Variants in SLC1A6 observed in about 807,000 individuals in gnomAD.
SLC1A6 encodes the protein solute carrier family 1 member 6.
SLC1A6 carries 15 observed loss-of-function variants against 42.1 expected under a neutral mutation model. That is an observed-to-expected ratio of 0.36 (90% CI 0.24 to 0.55). SLC1A6 has a LOEUF of 0.55. SLC1A6 is among the 20% of genes least tolerant of loss of function. SLC1A6 has a pLI of 0.88. For missense variants in SLC1A6, 542 were observed against 772.5 expected (o/e 0.70, Z 3.54); for synonymous variants, 317 against 319.7 (o/e 0.99, Z 0.09).
At chr19:14,975,870 G>GAC (rs2045702638) in intron 1 of SLC1A6, among the ~76,000 whole-genome samples, 3 of 50,866 alleles carry the variant, frequency 5.9e-5, no homozygotes, top group Non-Finnish European at 7.8e-5. Flanking sequence ...GGAAGGGAAG[G>GAC]AAAGGGAAGG....
chr19:15,003,167 G>A (rs1020435772), intron 1 of SLC1A6, among the ~76,000 whole-genome samples: 6 of 151,986 alleles, frequency 3.9e-5, no homozygotes, highest in African/African-American at 1.5e-4. Flanking sequence ...TTGTACAGAT[G>A]GGGTTTCACC....
At chr19:14,970,172 T>C (rs1409875809) in intron 3 of SLC1A6, among the ~76,000 whole-genome samples, 1 of 152,114 alleles carries the variant, frequency 6.6e-6, no homozygotes, top group African/African-American at 2.4e-5. Flanking sequence ...TGGGTTCAAG[T>C]GATCCTCCTG....
chr19:15,002,938 A>G (rs7249418), intron 1 of SLC1A6, among the ~76,000 whole-genome samples: 48,638 of 151,272 alleles, frequency 0.32, 7,966 homozygotes, highest in Non-Finnish European at 0.36. Context: ...TGTGTTTTTC[A>G]TTTTTGTCTT....
At chr19:14,975,521 G>A (rs1320670207) in intron 1 of SLC1A6, among the ~76,000 whole-genome samples, 4 of 152,056 alleles carry the variant, frequency 2.6e-5, no homozygotes, top group South Asian at 2.1e-4. Context: ...TTGGAAGGCC[G>A]AGGTGGGCAG....
intron 1 of SLC1A6, among the ~76,000 whole-genome samples, chr19:14,991,024 ATC>A (rs2045817497): frequency 6.6e-6 from 1 of 152,236 alleles, no homozygotes; most frequent in Non-Finnish European, 1.5e-5. Context: ...ACACAATTTT[ATC>A]TGTCATTTAA....
intron 1 of SLC1A6, among the ~76,000 whole-genome samples, chr19:15,009,064 T>C (rs1417381841): frequency 7.9e-6 from 1 of 126,370 alleles, no homozygotes; most frequent in Non-Finnish European, 1.6e-5. Context: ...AGATATGCTA[T>C]CTAGATAGCA....
At chr19:15,003,054 C>T (rs1417698705) in intron 1 of SLC1A6, among the ~76,000 whole-genome samples, 1 of 152,148 alleles carries the variant, frequency 6.6e-6, no homozygotes, top group African/African-American at 2.4e-5. Context: ...TCTCAGCTCA[C>T]TGCAACCTCC....
intron 3 of SLC1A6, among the ~76,000 whole-genome samples, chr19:14,970,261 G>GA (rs1326477337): frequency 6.6e-6 from 1 of 151,926 alleles, no homozygotes; most frequent in East Asian, 1.9e-4. Context: ...TATAGAGATG[G>GA]AGTCTCACTG....
At chr19:14,977,882 A>G (rs1437019457) in intron 1 of SLC1A6, 1 of 152,212 alleles carries the variant, frequency 6.6e-6, no homozygotes, top group African/African-American at 2.4e-5. Context: ...TTAAGAATAG[A>G]GTAAAATGCT....
intron 1 of SLC1A6, among the ~76,000 whole-genome samples, chr19:14,990,139 A>G (rs2045812484): frequency 6.6e-6 from 1 of 151,768 alleles, no homozygotes; most frequent in Non-Finnish European, 1.5e-5. Flanking sequence ...GCTCATTGCA[A>G]TGTTATTCAC....
chr19:14,954,292 C>T lies in SLC1A6; in HGVS notation c.1207G>A (p.Glu403Lys). ...TLPITFRCLEEGLGVDRRITR... is the reference protein window; with the variant it reads ...TLPITFRCLEKGLGVDRRITR... ...ATGCGGCGGTCCACACCCAGGCCCT[C>T]CTCCAGGCAGCGGAAGGTGATGGGC... Residue 403 changes from glutamate (E) to lysine (K), a missense_variant, in exon 8 of 10, where the codon GAG becomes AAG. Glu to Lys is a moderately conservative substitution (Grantham distance 56, BLOSUM62 1). This residue lies in a region of SLC1A6 where 298 missense variants were observed against 419.4 expected (regional missense o/e 0.71). Coordinates refer to ENST00000594383, the MANE Select transcript of SLC1A6 (RefSeq NM_005071.3). The T allele has an allele frequency of 2.5e-6, 4 of 1,612,144 alleles. No individual in the cohort carries two copies. The highest frequency in any genetic ancestry group is 3.4e-6 in the Non-Finnish European group (4 of 1,180,014).
At chr19:14,987,467 C>T (rs1407800522) in intron 1 of SLC1A6, among the ~76,000 whole-genome samples, 1 of 147,670 alleles carries the variant, frequency 6.8e-6, no homozygotes, top group Non-Finnish European at 1.5e-5. Context: ...GACTCTGTCT[C>T]GGAAAAAAAA....
At chr19:14,968,093 C>T (rs902022291) in intron 4 of SLC1A6, among the ~76,000 whole-genome samples, 50 of 148,314 alleles carry the variant, frequency 3.4e-4, no homozygotes, top group Non-Finnish European at 7.0e-4. Context: ...ATAGCTCCTC[C>T]TGTAACCTGT....
intron 3 of SLC1A6, among the ~76,000 whole-genome samples, chr19:14,969,294 G>A (rs544244323): frequency 1.3e-5 from 2 of 152,242 alleles, no homozygotes; most frequent in Admixed American, 6.5e-5. Flanking sequence ...CTTCAGCCCC[G>A]AGAGCACTGA....
intron 6 of SLC1A6, among the ~76,000 whole-genome samples, chr19:14,958,327 C>T (rs1225983047): frequency 6.6e-6 from 1 of 151,910 alleles, no homozygotes; most frequent in Admixed American, 6.6e-5. Flanking sequence ...AGAAGAATCA[C>T]TTGAACCCAG....
chr19:14,990,979 A>G (rs569703653), intron 1 of SLC1A6, among the ~76,000 whole-genome samples: 5 of 152,314 alleles, frequency 3.3e-5, no homozygotes, highest in African/African-American at 1.2e-4. Context: ...GTGTGTGTGT[A>G]TATTTCAAAA....
rs1031870684 is a variant in SLC1A6 at position 14,979,572 on chromosome 19, T to A, written c.-271A>T. ...CCTCGGCCTGCGCGCTGCGCCCGGATGCAGGAGCCGGAGCCCGGCGAAGCG... is the reference window on the plus strand; with the variant it reads ...CCTCGGCCTGCGCGCTGCGCCCGGAAGCAGGAGCCGGAGCCCGGCGAAGCG... On this transcript the variant is annotated 5_prime_UTR_variant, in exon 1 of 10. Transcript: ENST00000594383. The surrounding 1 kb of genome is among the most constrained non-coding windows in gnomAD (Gnocchi z 4.2). 6.6e-6 allele frequency: 1 copy of A among 150,454 alleles called. No homozygotes were observed. The highest frequency in any genetic ancestry group is 1.5e-5 in the Non-Finnish European group (1 of 67,532). 9.3% of individuals were successfully genotyped at this position (150,454 alleles called of 1,614,324 possible).
intron 1 of SLC1A6, among the ~76,000 whole-genome samples, chr19:15,005,501 C>G (rs1044594040): frequency 6.6e-6 from 1 of 152,032 alleles, no homozygotes; most frequent in Admixed American, 6.5e-5. Context: ...AAGAGTGAAA[C>G]TCCTTCTCAC....
chr19:14,991,920 G>T (rs557443796), intron 1 of SLC1A6, among the ~76,000 whole-genome samples: 1 of 151,920 alleles, frequency 6.6e-6, no homozygotes, highest in African/African-American at 2.4e-5. Context: ...CCGCCTCCCG[G>T]GTTCTAGTGA....
Sources: gnomAD v4.1 joint callset for allele counts (sites outside exome capture counted in the v4.1 genomes callset) on GRCh38, gnomAD v4.1.1 for gene constraint, gnomAD v4.1.1 regional missense constraint, Gnocchi (gnomAD v3.1) non-coding constraint, MANE v1.5 for transcripts, NCBI Gene and HGNC (gene_info 2026-07-23, HGNC 2026-07-21) for gene names.